Variants in STRBP observed in about 807,000 individuals in gnomAD.
The protein encoded by STRBP is spermatid perinuclear RNA-binding protein.
A neutral mutation model predicts 80.1 loss-of-function variants in STRBP; 13 were observed. That is an observed-to-expected ratio of 0.16 (90% CI 0.11 to 0.26). STRBP has a LOEUF of 0.26. Among genes scored for constraint, STRBP ranks in the 10% least tolerant of loss-of-function variants. The pLI, the probability that STRBP is intolerant of heterozygous loss-of-function variation, is 1.00. For synonymous variants in STRBP, 284 were observed against 291.2 expected, an observed-to-expected ratio of 0.98 and a Z score of 0.25; for missense variants, 485 against 815.2, an observed-to-expected ratio of 0.59 and a Z score of 4.93.
At chr9:123,237,619 C>T (rs1287528138) in intron 1 of STRBP, among the ~76,000 whole-genome samples, 4 of 151,794 alleles carry the variant, frequency 2.6e-5, no homozygotes, top group South Asian at 2.1e-4. Flanking sequence ...CATTCACCTA[C>T]GTCCCCAAAT....
At chr9:123,241,006 T>A (rs2040682381) in intron 1 of STRBP, among the ~76,000 whole-genome samples, 1 of 151,784 alleles carries the variant, frequency 6.6e-6, no homozygotes, top group African/African-American at 2.4e-5. Flanking sequence ...ATGGAGAAAC[T>A]CGATCTTTAC....
At chr9:123,219,575 T>A (rs1401377264) in intron 2 of STRBP, among the ~76,000 whole-genome samples, 1 of 152,252 alleles carries the variant, frequency 6.6e-6, no homozygotes, top group Non-Finnish European at 1.5e-5. Flanking sequence ...TCCACCTCAG[T>A]TCATAGCAAA....
chr9:123,177,374 G>A (rs898718637), intron 4 of STRBP, among the ~76,000 whole-genome samples: 1 of 152,056 alleles, frequency 6.6e-6, no homozygotes, highest in Non-Finnish European at 1.5e-5. Context: ...GACCAAATTC[G>A]GCAATGCAGC....
At chr9:123,220,673 C>G (rs1034940263) in intron 2 of STRBP, among the ~76,000 whole-genome samples, 3 of 152,150 alleles carry the variant, frequency 2.0e-5, no homozygotes, top group African/African-American at 4.8e-5. Context: ...TCCAACAAGT[C>G]AACAATGTAT....
intron 2 of STRBP, among the ~76,000 whole-genome samples, chr9:123,203,151 C>G (rs1030053462): frequency 2.6e-5 from 4 of 151,968 alleles, no homozygotes; most frequent in Non-Finnish European, 5.9e-5. Flanking sequence ...GCCAGGAGTT[C>G]AAGACAGCCT....
intron 2 of STRBP, among the ~76,000 whole-genome samples, chr9:123,200,992 T>C (rs1404425427): frequency 6.6e-5 from 10 of 152,012 alleles, no homozygotes; most frequent in East Asian, 3.8e-4. Flanking sequence ...AATTTGACCA[T>C]TTCCTCTGGC....
chr9:123,189,636 G>C (rs1044004992), intron 2 of STRBP, among the ~76,000 whole-genome samples: 32 of 151,774 alleles, frequency 2.1e-4, no homozygotes, highest in African/African-American at 7.5e-4. Flanking sequence ...TCATAGGTGG[G>C]AATTGAACAA....
intron 2 of STRBP, among the ~76,000 whole-genome samples, chr9:123,198,433 C>G (rs971463867): frequency 6.6e-6 from 1 of 152,082 alleles, no homozygotes; most frequent in South Asian, 2.1e-4. Context: ...CCACGGCGCC[C>G]GGCCTTTTGC....
At chr9:123,159,706 C>CATG (rs35146546) in intron 8 of STRBP, among the ~76,000 whole-genome samples, 4,696 of 152,228 alleles carry the variant, frequency 0.031, 248 homozygotes, top group African/African-American at 0.11. Context: ...ACTAAGAACT[C>CATG]ATATTTTGTC....
intron 1 of STRBP, among the ~76,000 whole-genome samples, chr9:123,255,922 C>G (rs2041018024): frequency 1.3e-5 from 2 of 151,164 alleles, no homozygotes. Context: ...GGCTGCCAAT[C>G]AAGTAGGCTT....
chr9:123,166,350 A>G (rs967390738), intron 6 of STRBP, among the ~76,000 whole-genome samples: 2 of 152,340 alleles, frequency 1.3e-5, no homozygotes, highest in East Asian at 1.9e-4. Flanking sequence ...CAGTTATTGT[A>G]CAAGTCACAT....
At chr9:123,238,356 G>C (rs538483775) in intron 1 of STRBP, among the ~76,000 whole-genome samples, 1 of 152,214 alleles carries the variant, frequency 6.6e-6, no homozygotes, top group Non-Finnish European at 1.5e-5. Context: ...AAGGCTAGCA[G>C]AATGCTAACA....
chr9:123,131,352 A>T (rs2036129530), intron 17 of STRBP, among the ~76,000 whole-genome samples: 1 of 152,190 alleles, frequency 6.6e-6, no homozygotes, highest in Non-Finnish European at 1.5e-5. Context: ...TCTGGGACTG[A>T]GTCATCCAGC....
At chr9:123,131,448 A>G (rs779592247) in intron 17 of STRBP, among the ~76,000 whole-genome samples, 6 of 152,130 alleles carry the variant, frequency 3.9e-5, no homozygotes, top group Non-Finnish European at 7.4e-5. Flanking sequence ...TGCTTCTTCA[A>G]TTGAGCCAAA....
chr9:123,237,653 G>T (rs2040597817), intron 1 of STRBP, among the ~76,000 whole-genome samples: 1 of 151,432 alleles, frequency 6.6e-6, no homozygotes, highest in African/African-American at 2.4e-5. Context: ...ACAGCCACAT[G>T]CTGATGTGGA....
chr9:123,124,051 G>C lies in STRBP; in HGVS notation c.*1546C>G. On this transcript the variant is annotated 3_prime_UTR_variant, in exon 19 of 19. Coordinates refer to ENST00000348403, the MANE Select transcript of STRBP (RefSeq NM_018387.5). ...AAGGAGAAGAAACAAACTAATCATT[G>C]TGTAATATATATCTGAGAAGTGACA... The C allele has an allele frequency of 2.0e-6, 2 of 985,392 alleles. No homozygotes were observed. Among genetic ancestry groups the C allele is most frequent in the Non-Finnish European group, 1.2e-6 (1 of 829,926 alleles). The allele number at this position is 985,392 out of a possible 1,614,324, so 61.0% of individuals were successfully genotyped here.
intron 2 of STRBP, among the ~76,000 whole-genome samples, chr9:123,190,320 A>AGC (rs2038877110): frequency 6.6e-6 from 1 of 152,064 alleles, no homozygotes; most frequent in South Asian, 2.1e-4. Flanking sequence ...AAGGAAAGTA[A>AGC]GAGCAAATAC....
At chr9:123,214,145 T>TAC (rs138090782) in intron 2 of STRBP, among the ~76,000 whole-genome samples, 8,366 of 141,358 alleles carry the variant, frequency 0.059, 254 homozygotes, top group South Asian at 0.11. Flanking sequence ...TATATATGTA[T>TAC]ACACACACAC....
intron 2 of STRBP, among the ~76,000 whole-genome samples, chr9:123,210,414 A>G (rs2039666808): frequency 6.6e-6 from 1 of 152,090 alleles, no homozygotes. Flanking sequence ...TTTATATTCC[A>G]AAAGAAAAGA....
Sources: gnomAD v4.1 joint callset for allele counts (sites outside exome capture counted in the v4.1 genomes callset) on GRCh38, gnomAD v4.1.1 for gene constraint, MANE v1.5 for transcripts, NCBI Gene and HGNC (gene_info 2026-07-23, HGNC 2026-07-21) for gene names.